Variants in NAP1L4 observed in about 807,000 individuals in gnomAD.
NAP1L4 encodes the protein nucleosome assembly protein 1-like 4.
A neutral mutation model predicts 58.2 loss-of-function variants in NAP1L4; 15 were observed. That is an observed-to-expected ratio of 0.26 (90% confidence interval 0.17 to 0.40). NAP1L4 has a LOEUF of 0.40. Ranked by LOEUF, NAP1L4 falls within the 10% of genes least tolerant of loss-of-function variation. The probability of loss-of-function intolerance (pLI) is 1.00; values close to 1 mark genes in which losing one functional copy is unlikely to be tolerated. For missense variants in NAP1L4, 384 were observed against 451.1 expected, an observed-to-expected ratio of 0.85 and a Z score of 1.35; for synonymous variants, 171 against 155.6, an observed-to-expected ratio of 1.10 and a Z score of -0.74.
intron 4 of NAP1L4, among the ~76,000 whole-genome samples, chr11:2,972,580 A>C (rs1847704968): frequency 6.6e-6 from 1 of 152,246 alleles, no homozygotes; most frequent in Non-Finnish European, 1.5e-5. Flanking sequence ...CCCAGGTTTT[A>C]CGAGGCTAAG....
At chr11:2,961,825 C>A (rs949026764) in intron 8 of NAP1L4, among the ~76,000 whole-genome samples, 1 of 152,210 alleles carries the variant, frequency 6.6e-6, no homozygotes, top group African/African-American at 2.4e-5. Flanking sequence ...AGCTACCACA[C>A]CCAGCCTACT....
rs756367736 is a variant in NAP1L4 at position 2,954,742 on chromosome 11, TACTTA to T, written c.916-101_916-97del. The T allele has an allele frequency of 5.1e-5, 79 of 1,542,068 alleles. No individual in the cohort carries two copies. The highest frequency in any genetic ancestry group is 2.5e-4 in the East Asian group (11 of 44,426). ...AAACCTCAGCCCCTCACTTTTGATTTACTTAACTTAAAACACCAAACTCCTGCACT... is the reference window on the plus strand; with the variant it reads ...AAACCTCAGCCCCTCACTTTTGATTTACTTAAAACACCAAACTCCTGCACT... On this transcript the variant is annotated intron_variant, in intron 11 of 15. Coordinates refer to ENST00000380542, the MANE Select transcript of NAP1L4 (RefSeq NM_005969.4). This position sits in a 1 kb window ranked among gnomAD's most constrained non-coding sequence, Gnocchi z 4.8.
rs910188961 is a variant in NAP1L4 at position 2,955,662 on chromosome 11, C to CT, written c.915+81dup. On this transcript the variant is annotated intron_variant, in intron 11 of 15. Transcript: ENST00000380542. The surrounding 1 kb of genome is among the most constrained non-coding windows in gnomAD (Gnocchi z 4.2). ...CAGTCCACACACAGCCAGGACTGGA[C>CT]TTTTTTTAACAAGTAGACAAGTAGA... is the stretch of plus-strand genomic sequence containing the variant. 1.2e-4 allele frequency: 181 copies of CT among 1,462,496 alleles called. 1 individual carries two copies. The highest frequency in any genetic ancestry group is 1.8e-4 in the Middle Eastern group (1 of 5,698). 90.6% of individuals were successfully genotyped at this position (1,462,496 alleles called of 1,614,324 possible).
intron 4 of NAP1L4, 154 bp from the exon 5 acceptor site, chr11:2,972,397 A>C: frequency 1.9e-6 from 1 of 521,102 alleles, no homozygotes; most frequent in Non-Finnish European, 3.1e-6. Context: ...CAATACCCCA[A>C]CAGGAAAAAA....
chr11:2,977,537 G>A (rs573157830), intron 3 of NAP1L4, among the ~76,000 whole-genome samples: 7 of 152,204 alleles, frequency 4.6e-5, no homozygotes, highest in Non-Finnish European at 1.0e-4. Context: ...GTAGGGAGAT[G>A]ACTCTAGAAC....
intron 4 of NAP1L4, 108 bp downstream of exon 4, chr11:2,975,916 G>T: frequency 1.0e-6 from 1 of 968,534 alleles, no homozygotes; most frequent in Non-Finnish European, 1.5e-6. Flanking sequence ...CAATGTCTTG[G>T]AACGAAAAAA....
intron 6 of NAP1L4, among the ~76,000 whole-genome samples, chr11:2,970,679 A>G (rs1316642340): frequency 6.6e-6 from 1 of 152,158 alleles, no homozygotes; most frequent in Non-Finnish European, 1.5e-5. Context: ...TTATGATGAA[A>G]TGATCTTGAA....
In NAP1L4 at chr11:2,945,539, A is replaced by C; in HGVS notation, c.*140T>G. ...TCTGTCCACGGGATTGTGCTGCGGC[A>C]AGGACCGAGGCCCCGCCCACAGGCC... On this transcript the variant is annotated 3_prime_UTR_variant, in exon 16 of 16. Coordinates refer to ENST00000380542, the MANE Select transcript of NAP1L4 (RefSeq NM_005969.4). 7.3e-7 allele frequency: 1 copy of C among 1,373,420 alleles called. No individual in the cohort carries two copies. The highest frequency in any genetic ancestry group is 1.0e-6 in the Non-Finnish European group (1 of 1,002,750). The allele number at this position is 1,373,420 out of a possible 1,614,324, so 85.1% of individuals were successfully genotyped here.
chr11:2,986,723 T>G (rs1180458795), intron 1 of NAP1L4, among the ~76,000 whole-genome samples: 2 of 151,834 alleles, frequency 1.3e-5, no homozygotes, highest in Non-Finnish European at 2.9e-5. Context: ...ACCTCCCAGT[T>G]TCTCCTGCCT....
At chr11:2,991,480 G>C (rs930491830) in intron 1 of NAP1L4, 2 of 191,260 alleles carry the variant, frequency 1.0e-5, no homozygotes, top group African/African-American at 4.7e-5. Flanking sequence ...TGTGAAAGAC[G>C]GTTTTAAATA....
chr11:2,961,370 G>C (rs578092706), intron 8 of NAP1L4, among the ~76,000 whole-genome samples: 6 of 152,142 alleles, frequency 3.9e-5, no homozygotes, highest in East Asian at 3.9e-4. Context: ...AAGCGGGTAG[G>C]GCACTGCAGA....
At chr11:2,965,857 T>TA (rs1188500063) in intron 7 of NAP1L4, among the ~76,000 whole-genome samples, 5 of 152,322 alleles carry the variant, frequency 3.3e-5, no homozygotes, top group African/African-American at 1.2e-4. Context: ...TAAGAACACT[T>TA]ACACAGAGCG....
chr11:2,960,351 C>T (rs1846805189), intron 8 of NAP1L4, among the ~76,000 whole-genome samples: 1 of 152,158 alleles, frequency 6.6e-6, no homozygotes, highest in Non-Finnish European at 1.5e-5. Context: ...CTGTGCTGTG[C>T]AGTGAAAGCA....
chr11:2,971,053 C>T lies in NAP1L4; in HGVS notation c.402+395G>A, dbSNP rs757130947. Among the ~76,000 whole-genome samples, 24 of 152,162 alleles carry T rather than the reference C, an allele frequency of 1.6e-4. No individual in the cohort carries two copies. The highest frequency in any genetic ancestry group is 1.9e-4 in the Non-Finnish European group (13 of 68,028). On this transcript the variant is annotated intron_variant, in intron 6 of 15. Coordinates refer to ENST00000380542, the MANE Select transcript of NAP1L4 (RefSeq NM_005969.4). The surrounding 1 kb of genome is among the most constrained non-coding windows in gnomAD (Gnocchi z 4.2). ...CCACCATCTGCAACCAATCCACTGGCGGAGCACCTCTCAGGGGGCAAGCTA... is the reference window on the plus strand; with the variant it reads ...CCACCATCTGCAACCAATCCACTGGTGGAGCACCTCTCAGGGGGCAAGCTA...
At chr11:2,964,888 C>G in intron 7 of NAP1L4, 137 bp from the exon 8 acceptor site, 1 of 668,550 alleles carries the variant, frequency 1.5e-6, no homozygotes, top group Non-Finnish European at 2.6e-6. Flanking sequence ...AAAGTAATAA[C>G]TACCAGGAAG....
rs537358637 is a variant in NAP1L4 at position 2,958,903 on chromosome 11, G to A, written c.747-359C>T. The A allele has an allele frequency of 2.0e-5, 5 of 249,878 alleles. No homozygotes were observed. In the South Asian group the frequency reaches 2.2e-4, roughly 11 times the overall value. The allele number at this position is 249,878 out of a possible 1,614,324, so 15.5% of individuals were successfully genotyped here. On this transcript the variant is annotated intron_variant, in intron 9 of 15. Coordinates refer to ENST00000380542, the MANE Select transcript of NAP1L4 (RefSeq NM_005969.4). ...TCCCAAGGAAGGAGGAGTTGCTGCTGTTCAAAGCAGCCAACTGAGCACGAC... is the reference window on the plus strand; with the variant it reads ...TCCCAAGGAAGGAGGAGTTGCTGCTATTCAAAGCAGCCAACTGAGCACGAC...
chr11:2,951,999 G>C lies in NAP1L4; in HGVS notation c.1036-190C>G. The C allele has an allele frequency of 1.6e-6, 1 of 637,058 alleles. No homozygotes were observed. Among genetic ancestry groups the C allele is most frequent in the Admixed American group, 2.6e-5 (1 of 39,026 alleles). The allele number at this position is 637,058 out of a possible 1,614,324, so 39.5% of individuals were successfully genotyped here. On this transcript the variant is annotated intron_variant, in intron 12 of 15. Coordinates refer to ENST00000380542, the MANE Select transcript of NAP1L4 (RefSeq NM_005969.4). This position sits in a 1 kb window ranked among gnomAD's most constrained non-coding sequence, Gnocchi z 4.0. Reference sequence around the variant, plus strand: ...GCAGCGCATTTTAAAAGCATGCCAGGAAATTGAAAGTCACGCAAAACAAGG... The same window carrying C: ...GCAGCGCATTTTAAAAGCATGCCAGCAAATTGAAAGTCACGCAAAACAAGG...
chr11:2,952,077 C>A (rs1846257830), intron 12 of NAP1L4: 1 of 551,640 alleles, frequency 1.8e-6, no homozygotes, highest in Non-Finnish European at 3.2e-6. Flanking sequence ...AGCTGGGAAC[C>A]TGGCACCACA....
chr11:2,960,320 G>C (rs967150837), intron 8 of NAP1L4, among the ~76,000 whole-genome samples: 1 of 152,160 alleles, frequency 6.6e-6, no homozygotes, highest in Non-Finnish European at 1.5e-5. Context: ...CACCCTGCTG[G>C]GGGAAGCCAG....
Sources: gnomAD v4.1 joint callset for allele counts (sites outside exome capture counted in the v4.1 genomes callset) on GRCh38, gnomAD v4.1.1 for gene constraint, Gnocchi (gnomAD v3.1) non-coding constraint, MANE v1.5 for transcripts, NCBI Gene and HGNC (gene_info 2026-07-23, HGNC 2026-07-21) for gene names.